The following KLF12 variants were observed in gnomAD, a reference collection of about 807,000 sequenced individuals.
KLF12 encodes the protein KLF transcription factor 12, also known as Krueppel-like factor 12.
In KLF12, 9 loss-of-function variants were observed where a neutral mutation model predicts 37.8. That is an observed-to-expected ratio of 0.24 (90% CI 0.14 to 0.42). KLF12 has a LOEUF of 0.42. Ranked by LOEUF, KLF12 falls within the 10% of genes least tolerant of loss-of-function variation. The pLI is 1.00. For missense variants in KLF12, 411 were observed against 516.0 expected (o/e 0.80, Z 1.97); for synonymous variants, 208 against 202.1 (o/e 1.03, Z -0.25).
chr13:73,981,453 C>T (rs754792676), intron 2 of KLF12, among the ~76,000 whole-genome samples: 33 of 151,986 alleles, frequency 2.2e-4, no homozygotes, highest in Non-Finnish European at 3.8e-4. Flanking sequence ...CTTACCTATA[C>T]GCATCAATGT....
At chr13:73,921,954 T>C (rs901771602) in intron 3 of KLF12, among the ~76,000 whole-genome samples, 19 of 152,212 alleles carry the variant, frequency 1.2e-4, no homozygotes, top group African/African-American at 4.6e-4. Context: ...GTGGGCTTTC[T>C]ATTATGTGGT....
chr13:74,233,122 A>G, the KLF12 span, among the ~76,000 whole-genome samples: 14 of 152,158 alleles, frequency 9.2e-5, no homozygotes, highest in Non-Finnish European at 2.1e-4. Flanking sequence ...TGAACTTGTG[A>G]TCTGCCTACC....
intron 2 of KLF12, among the ~76,000 whole-genome samples, chr13:73,957,064 AG>A (rs1251175436): frequency 5.0e-5 from 4 of 79,398 alleles, no homozygotes; most frequent in East Asian, 6.9e-4. Flanking sequence ...AGGAAAGGAA[AG>A]GAAAGGAAAG....
At chr13:74,082,375 G>A (rs1259308567) in intron 1 of KLF12, among the ~76,000 whole-genome samples, 1 of 152,122 alleles carries the variant, frequency 6.6e-6, no homozygotes, top group Non-Finnish European at 1.5e-5. Flanking sequence ...AACATAGCTT[G>A]AGCTTTCATA....
intron 5 of KLF12, among the ~76,000 whole-genome samples, chr13:73,775,475 C>T (rs567623931): frequency 6.6e-6 from 1 of 152,228 alleles, no homozygotes; most frequent in African/African-American, 2.4e-5. Flanking sequence ...TTATACAGAT[C>T]CCAAATTTTG....
At chr13:73,903,833 C>T (rs921542457) in intron 3 of KLF12, among the ~76,000 whole-genome samples, 6 of 152,296 alleles carry the variant, frequency 3.9e-5, no homozygotes, top group East Asian at 3.9e-4. Context: ...CTCATAGGAG[C>T]GGGAGCCCTA....
At chr13:73,980,637 C>G (rs1312712905) in intron 2 of KLF12, among the ~76,000 whole-genome samples, 1 of 152,058 alleles carries the variant, frequency 6.6e-6, no homozygotes, top group Non-Finnish European at 1.5e-5. Flanking sequence ...ATCATCCCTA[C>G]CAAAAAAGAT....
chr13:74,029,219 G>T (rs1025421010), intron 1 of KLF12, among the ~76,000 whole-genome samples: 2 of 151,978 alleles, frequency 1.3e-5, no homozygotes, highest in Non-Finnish European at 2.9e-5. Flanking sequence ...TAAAAAGAAA[G>T]GGATTTATAA....
In KLF12 at chr13:74,005,761, T is replaced by C. The variant is rs1375032394; in HGVS notation, c.-31-10708A>G. 4.6e-5 allele frequency among the ~76,000 whole-genome samples: 7 copies of C among 152,348 alleles called. No individual in the cohort carries two copies. The South Asian group carries it at 1.0e-3, about 23-fold the overall frequency. ...CATACTATTTGGAGATCTTTATAAATGGCAATCTTTGTCCAAAACATACAA... is the reference window on the plus strand; with the variant it reads ...CATACTATTTGGAGATCTTTATAAACGGCAATCTTTGTCCAAAACATACAA... On this transcript the variant is annotated intron_variant, in intron 1 of 7. Transcript: ENST00000377669.
chr13:74,071,778 G>T (rs1392988616), intron 1 of KLF12, among the ~76,000 whole-genome samples: 1 of 152,228 alleles, frequency 6.6e-6, no homozygotes, highest in Non-Finnish European at 1.5e-5. Flanking sequence ...TAAGATACGA[G>T]TGAACTACGT....
chr13:74,136,373 A>C (rs1265052914), upstream of KLF12, among the ~76,000 whole-genome samples: 1 of 152,212 alleles, frequency 6.6e-6, no homozygotes, highest in African/African-American at 2.4e-5. Flanking sequence ...TGAAAACACA[A>C]GTTTGAAAAG....
intron 2 of KLF12, among the ~76,000 whole-genome samples, chr13:73,991,312 A>G (rs550042582): frequency 6.6e-6 from 1 of 152,232 alleles, no homozygotes; most frequent in Non-Finnish European, 1.5e-5. Context: ...GCTCAACATA[A>G]CACTAATGCA....
At chr13:74,135,617 A>T (rs936768475), upstream of KLF12, among the ~76,000 whole-genome samples, 3 of 151,158 alleles carry the variant, frequency 2.0e-5, no homozygotes, top group African/African-American at 7.3e-5. Flanking sequence ...CGCGCGGCGG[A>T]CGGAGGCGGG....
the KLF12 span, among the ~76,000 whole-genome samples, chr13:74,268,013 C>G: frequency 6.6e-6 from 1 of 152,206 alleles, no homozygotes; most frequent in South Asian, 2.1e-4. Flanking sequence ...AGGAGATTCT[C>G]CTAGAGTCTT....
At chr13:73,743,487 G>C (rs533727434) in intron 6 of KLF12, among the ~76,000 whole-genome samples, 2 of 152,106 alleles carry the variant, frequency 1.3e-5, no homozygotes, top group African/African-American at 4.8e-5. Flanking sequence ...GTAGAATATG[G>C]CTTTGCCTTA....
intron 3 of KLF12, among the ~76,000 whole-genome samples, chr13:73,881,992 T>A (rs17061637): frequency 0.11 from 16,568 of 152,230 alleles, 1,066 homozygotes; most frequent in African/African-American, 0.19. Flanking sequence ...GATTTGTGGC[T>A]TTGTCTACGA....
intron 1 of KLF12, among the ~76,000 whole-genome samples, chr13:74,085,812 T>C (rs965299311): frequency 3.3e-5 from 5 of 152,184 alleles, no homozygotes; most frequent in Non-Finnish European, 5.9e-5. Flanking sequence ...GTGGTAATTC[T>C]GGTACAACTG....
intron 2 of KLF12, among the ~76,000 whole-genome samples, chr13:73,991,052 T>TCTTTCC (rs1178839850): frequency 6.6e-6 from 1 of 152,166 alleles, no homozygotes. Context: ...AATTCCATAA[T>TCTTTCC]CTTTCCCAAA....
the KLF12 span, among the ~76,000 whole-genome samples, chr13:74,143,615 A>G: frequency 3.3e-5 from 5 of 152,214 alleles, no homozygotes; most frequent in Non-Finnish European, 7.4e-5. Context: ...AAAACTCACA[A>G]GCACTCCTGG....
Sources: allele counts gnomAD v4.1 joint callset (sites outside exome capture counted in the v4.1 genomes callset), GRCh38; gene constraint gnomAD v4.1.1; transcripts MANE v1.5; gene names NCBI Gene and HGNC (gene_info 2026-07-23, HGNC 2026-07-21).